SLC30A9: variants seen among roughly 807,000 people sequenced by gnomAD.
The protein encoded by SLC30A9 is solute carrier family 30 member 9, also known as proton-coupled zinc antiporter SLC30A9, mitochondrial.
Under a neutral mutation model 87.5 loss-of-function variants are expected in SLC30A9, and 58 were observed. The ratio of observed to expected loss-of-function variants is 0.66; its 90% CI spans 0.54 to 0.82. The LOEUF (loss-of-function observed/expected upper bound fraction) is 0.82. SLC30A9 is among the 40% of genes least tolerant of loss of function. The pLI, the probability that SLC30A9 is intolerant of heterozygous loss-of-function variation, is 0.00. For missense variants in SLC30A9, 557 were observed against 679.1 expected (o/e 0.82, Z 2.00); for synonymous variants, 234 against 233.0 (o/e 1.00, Z -0.04).
Position 41,997,199 on chromosome 4 carries a change from C to T in SLC30A9, c.110-4417C>T, listed in dbSNP as rs546996474. ...TTCTCTGTTTTTTACTCTGCTCTGG[C>T]GAAAAGTTACATCAGCAGTGGTCTT... is the stretch of plus-strand genomic sequence containing the variant. On this transcript the variant is annotated intron_variant, in intron 1 of 17. Transcript: ENST00000264451. 2.1e-4 allele frequency among the ~76,000 whole-genome samples: 31 copies of T among 151,178 alleles called. 1 individual carries two copies. Among genetic ancestry groups the T allele is most frequent in the African/African-American group, 5.6e-4 (23 of 41,390 alleles).
intron 9 of SLC30A9, among the ~76,000 whole-genome samples, chr4:42,054,225 G>A (rs1320123561): frequency 3.3e-5 from 5 of 152,018 alleles, no homozygotes; most frequent in East Asian, 1.9e-4. Context: ...GAGCGTGGTG[G>A]TACATGCCTG....
intron 17 of SLC30A9, among the ~76,000 whole-genome samples, chr4:42,080,372 C>T (rs540718343): frequency 6.6e-6 from 1 of 152,294 alleles, no homozygotes; most frequent in East Asian, 1.9e-4. Flanking sequence ...AAGGATACTG[C>T]TTGAAATCAG....
intron 2 of SLC30A9, among the ~76,000 whole-genome samples, chr4:42,016,179 G>A (rs1392024797): frequency 2.6e-5 from 4 of 151,882 alleles, no homozygotes; most frequent in Non-Finnish European, 5.9e-5. Context: ...AAAGTGCATA[G>A]GACAGTACAT....
chr4:42,039,636 T>C (rs556284501), intron 8 of SLC30A9, among the ~76,000 whole-genome samples: 8 of 152,172 alleles, frequency 5.3e-5, no homozygotes, highest in African/African-American at 1.9e-4. Context: ...CTAATTTTTG[T>C]ATTTTTAGTA....
chr4:41,999,462 T>G (rs922428336), intron 1 of SLC30A9, among the ~76,000 whole-genome samples: 3 of 152,296 alleles, frequency 2.0e-5, no homozygotes, highest in Admixed American at 2.0e-4. Context: ...ACTGTGTGGT[T>G]CCTGATGAAA....
At chr4:42,010,869 A>G (rs1209976488) in intron 2 of SLC30A9, among the ~76,000 whole-genome samples, 4 of 152,352 alleles carry the variant, frequency 2.6e-5, no homozygotes, top group Non-Finnish European at 4.4e-5. Context: ...CTGGGTCTGT[A>G]ATCTGGGAGT....
chr4:42,036,849 C>A (rs1356502805), intron 7 of SLC30A9, among the ~76,000 whole-genome samples: 3 of 152,174 alleles, frequency 2.0e-5, no homozygotes, highest in African/African-American at 7.2e-5. Flanking sequence ...TTTTCACTCT[C>A]ATGCCTCAAG....
chr4:42,027,187 G>C (rs2153136134), intron 6 of SLC30A9, among the ~76,000 whole-genome samples: 1 of 152,020 alleles, frequency 6.6e-6, no homozygotes, highest in South Asian at 2.1e-4. Flanking sequence ...TTTAATGACT[G>C]ACAAAAAAGC....
intron 8 of SLC30A9, among the ~76,000 whole-genome samples, chr4:42,042,585 A>G (rs1716967807): frequency 1.3e-5 from 2 of 152,210 alleles, no homozygotes; most frequent in South Asian, 4.1e-4. Flanking sequence ...TCAGGGGCTT[A>G]TAGATAAAAC....
At chr4:42,059,312 T>A (rs1026274586) in intron 9 of SLC30A9, among the ~76,000 whole-genome samples, 1 of 152,220 alleles carries the variant, frequency 6.6e-6, no homozygotes, top group African/African-American at 2.4e-5. Flanking sequence ...GGTAGTCTTA[T>A]GATGTGATTT....
chr4:42,081,677 A>G (rs1718744494), intron 17 of SLC30A9, among the ~76,000 whole-genome samples: 1 of 151,976 alleles, frequency 6.6e-6, no homozygotes. Context: ...TGGACTAAAT[A>G]TTTGCTTTAC....
chr4:42,070,697 C>G lies in SLC30A9; in HGVS notation c.1418+6C>G. ...GAGAATGACCCATCAGTAAGGTCAG[C>G]CTTATTCCAGTAATCCTGTTAAGGC... is the stretch of plus-strand genomic sequence containing the variant. On this transcript the variant is annotated splice_donor_region_variant and intron_variant, in intron 15 of 17. Transcript: ENST00000264451. 6.2e-7 allele frequency: 1 copy of G among 1,610,256 alleles called. No individual in the cohort carries two copies. Among genetic ancestry groups the G allele is most frequent in the Non-Finnish European group, 8.5e-7 (1 of 1,177,898 alleles).
chr4:42,004,449 A>G (rs80031416), intron 2 of SLC30A9, among the ~76,000 whole-genome samples: 3,578 of 152,136 alleles, frequency 0.024, 145 homozygotes, highest in African/African-American at 0.081. Context: ...TGGAACTTCA[A>G]TTAGAAATAT....
chr4:42,076,708 A>G (rs1718564289), intron 16 of SLC30A9, among the ~76,000 whole-genome samples: 1 of 152,140 alleles, frequency 6.6e-6, no homozygotes, highest in South Asian at 2.1e-4. Context: ...TCACGTCTGT[A>G]ATCCCAGCAC....
rs753424850 is a variant in SLC30A9 at position 42,030,145 on chromosome 4, G to A, written c.611-5130G>A. On this transcript the variant is annotated intron_variant, in intron 6 of 17. Transcript: ENST00000264451. ...CTGATCACAAGCACAAATCTTTCCCGCTAGCCATTTAATAAGTTTAAAAAA... is the reference window on the plus strand; with the variant it reads ...CTGATCACAAGCACAAATCTTTCCCACTAGCCATTTAATAAGTTTAAAAAA... The A allele has an allele frequency of 3.5e-4, 300 of 865,328 alleles. 8 individuals are homozygous for A. The highest frequency in any genetic ancestry group is 4.6e-4 in the Non-Finnish European group (290 of 627,512). 53.6% of individuals were successfully genotyped at this position (865,328 alleles called of 1,614,324 possible).
At chr4:42,054,010 C>G (rs1336393054) in intron 9 of SLC30A9, among the ~76,000 whole-genome samples, 1 of 152,086 alleles carries the variant, frequency 6.6e-6, no homozygotes, top group African/African-American at 2.4e-5. Flanking sequence ...GGTTCTGTGT[C>G]TTCATAGGAA....
intron 9 of SLC30A9, among the ~76,000 whole-genome samples, chr4:42,054,364 A>G (rs1414648252): frequency 2.6e-5 from 4 of 152,202 alleles, no homozygotes; most frequent in African/African-American, 9.6e-5. Context: ...CAAAACAAAA[A>G]CAAAAACAAA....
Position 42,078,310 on chromosome 4 carries a change from T to A in SLC30A9, c.1647T>A (p.Leu549=). 6.6e-7 allele frequency: 1 copy of A among 1,519,622 alleles called. No individual in the cohort carries two copies. The highest frequency in any genetic ancestry group is 9.0e-7 in the Non-Finnish European group (1 of 1,105,448). The allele number at this position is 1,519,622 out of a possible 1,614,324, so 94.1% of individuals were successfully genotyped here. ...IDTLGAEVDR[L]EKELKKRNPE... ...CTTTAGGAGCTGAAGTAGATAGACT[T>A]GAGAAGGAACTGAAAGTAAGATGTA... The change falls in exon 17 of 18, where the codon CTT becomes CTA. Residue 549 remains leucine, a synonymous_variant. Transcript: ENST00000264451.
At chr4:41,990,924 G>T (rs1714406453) in intron 1 of SLC30A9, among the ~76,000 whole-genome samples, 164 bp downstream of exon 1, 1 of 152,256 alleles carries the variant, frequency 6.6e-6, no homozygotes, top group South Asian at 2.1e-4. Flanking sequence ...GCCCGCGGGG[G>T]TCCTGACAGG....
Sources: gnomAD v4.1 joint callset for allele counts (sites outside exome capture counted in the v4.1 genomes callset) on GRCh38, gnomAD v4.1.1 for gene constraint, MANE v1.5 for transcripts, NCBI Gene and HGNC (gene_info 2026-07-23, HGNC 2026-07-21) for gene names.